The following MLLT3 variants were observed in gnomAD, a reference collection of about 807,000 sequenced individuals.
The protein encoded by MLLT3 is protein AF-9.
MLLT3 carries 4 observed loss-of-function variants against 53.2 expected under a neutral mutation model. The ratio of observed to expected loss-of-function variants is 0.08; its 90% CI spans 0.04 to 0.17. The LOEUF (loss-of-function observed/expected upper bound fraction) is 0.17. Ranked by LOEUF, MLLT3 falls within the 10% of genes least tolerant of loss-of-function variation. The pLI is 1.00. For synonymous variants in MLLT3, 283 were observed against 230.6 expected (o/e 1.23, Z -2.06); for missense variants, 569 against 684.0 (o/e 0.83, Z 1.87).
At chr9:20,584,640 A>G (rs936051104) in intron 2 of MLLT3, among the ~76,000 whole-genome samples, 1 of 152,100 alleles carries the variant, frequency 6.6e-6, no homozygotes, top group Non-Finnish European at 1.5e-5. Flanking sequence ...CCTCTGATAA[A>G]CCCATCAGAT....
chr9:20,522,961 T>TAAAA (rs1818104064), intron 2 of MLLT3, among the ~76,000 whole-genome samples: 1 of 151,046 alleles, frequency 6.6e-6, no homozygotes. Context: ...GACCCTGTCT[T>TAAAA]AAAAAATAAA....
At chr9:20,385,822 C>T (rs1169540234) in intron 5 of MLLT3, among the ~76,000 whole-genome samples, 1 of 152,146 alleles carries the variant, frequency 6.6e-6, no homozygotes, top group South Asian at 2.1e-4. Context: ...CAGATGATTC[C>T]ATTTTAATAA....
intron 5 of MLLT3, among the ~76,000 whole-genome samples, chr9:20,397,325 A>C (rs1037672886): frequency 1.3e-5 from 2 of 152,172 alleles, no homozygotes; most frequent in South Asian, 2.1e-4. Flanking sequence ...CAACTGATAC[A>C]TATCTTTGGG....
At chr9:20,586,125 C>T (rs143638127) in intron 2 of MLLT3, among the ~76,000 whole-genome samples, 8 of 152,118 alleles carry the variant, frequency 5.3e-5, no homozygotes, top group South Asian at 4.2e-4. Context: ...TGCGACCAGC[C>T]GGGCAACATA....
intron 2 of MLLT3, among the ~76,000 whole-genome samples, chr9:20,553,250 T>C (rs1198834862): frequency 6.6e-6 from 1 of 152,112 alleles, no homozygotes; most frequent in African/African-American, 2.4e-5. Context: ...TAGAAAACAG[T>C]TTCACAAAGG....
intron 4 of MLLT3, among the ~76,000 whole-genome samples, chr9:20,437,329 T>A (rs1823430106): frequency 6.6e-6 from 1 of 151,776 alleles, no homozygotes; most frequent in African/African-American, 2.4e-5. Flanking sequence ...AAAAGGTAAA[T>A]CAGAATAAAG....
At chr9:20,540,221 G>C (rs190407695) in intron 2 of MLLT3, among the ~76,000 whole-genome samples, 1 of 152,338 alleles carries the variant, frequency 6.6e-6, no homozygotes, top group East Asian at 1.9e-4. Flanking sequence ...AGCTTTTCCT[G>C]GTGTACAGTG....
intron 4 of MLLT3, among the ~76,000 whole-genome samples, chr9:20,423,824 G>C (rs1244163488): frequency 6.6e-6 from 1 of 151,812 alleles, no homozygotes; most frequent in Non-Finnish European, 1.5e-5. Flanking sequence ...GAGTGTGGTG[G>C]TGGTGCATGC....
At chr9:20,520,124 C>T (rs1219746759) in intron 2 of MLLT3, among the ~76,000 whole-genome samples, 2 of 152,108 alleles carry the variant, frequency 1.3e-5, no homozygotes, top group African/African-American at 4.8e-5. Context: ...CACATGTTCT[C>T]ACTTATAAGT....
chr9:20,456,130 G>C (rs1823962171), intron 3 of MLLT3, among the ~76,000 whole-genome samples: 1 of 151,898 alleles, frequency 6.6e-6, no homozygotes, highest in African/African-American at 2.4e-5. Context: ...GTAGAGACGA[G>C]GTTTCACCAT....
chr9:20,596,467 A>T (rs547446816), intron 2 of MLLT3, among the ~76,000 whole-genome samples: 9 of 152,342 alleles, frequency 5.9e-5, no homozygotes, highest in African/African-American at 2.2e-4. Context: ...AGGCAGGCGG[A>T]TCACCTGAGG....
rs193118600 is a variant in MLLT3 at position 20,524,840 on chromosome 9, T to C, written c.194-68054A>G. The stretch of plus-strand genomic sequence containing the variant: ...CCTCTACCTTGCTTGTTTTCACAAA[T>C]GTATTCCCAAAGGAGACAAGAAGTC... On this transcript the variant is annotated intron_variant, in intron 2 of 10. Transcript: ENST00000380338. 2.9e-3 allele frequency among the ~76,000 whole-genome samples: 436 copies of C among 152,212 alleles called. 3 individuals are homozygous for C. The highest frequency in any genetic ancestry group is 4.5e-3 in the Non-Finnish European group (305 of 68,012).
intron 2 of MLLT3, among the ~76,000 whole-genome samples, chr9:20,596,414 G>A (rs1334489684): frequency 6.6e-6 from 1 of 152,196 alleles, no homozygotes. Context: ...CTCTGGCCAG[G>A]CATGGTGGCA....
intron 2 of MLLT3, among the ~76,000 whole-genome samples, chr9:20,521,501 G>A (rs542303808): frequency 6.6e-6 from 1 of 151,668 alleles, no homozygotes; most frequent in Admixed American, 6.6e-5. Flanking sequence ...AGAGAAAATG[G>A]ATGTGAAATG....
At chr9:20,370,956 A>G (rs555131556) in intron 5 of MLLT3, among the ~76,000 whole-genome samples, 10 of 152,346 alleles carry the variant, frequency 6.6e-5, no homozygotes, top group African/African-American at 1.4e-4. Flanking sequence ...AATGGAATTA[A>G]AAGTGCTACT....
Position 20,344,225 on chromosome 9 carries a change from T to G in MLLT3, c.*2218A>C, listed in dbSNP as rs1240265353. 1.0e-5 allele frequency: 2 copies of G among 196,686 alleles called. No homozygotes were observed. The highest frequency in any genetic ancestry group is 2.1e-5 in the Non-Finnish European group (2 of 94,944). 12.2% of individuals were successfully genotyped at this position (196,686 alleles called of 1,614,324 possible). A position where few individuals can be genotyped will look rare whatever the true frequency, so the allele number is the denominator to read the frequency against. On this transcript the variant is annotated 3_prime_UTR_variant, in exon 11 of 11. Transcript: ENST00000380338. Reference sequence around the variant, plus strand: ...TTGGTTAGTAACTTAAAGGAAAAAATTTTTACATTGGCAAATCATATTTTT... The same window carrying G: ...TTGGTTAGTAACTTAAAGGAAAAAAGTTTTACATTGGCAAATCATATTTTT...
intron 7 of MLLT3, among the ~76,000 whole-genome samples, chr9:20,362,553 C>T (rs1260231953): frequency 2.0e-5 from 3 of 152,018 alleles, no homozygotes; most frequent in African/African-American, 7.3e-5. Flanking sequence ...ACAGGTTGGT[C>T]TGAGAGACAA....
At chr9:20,540,449 C>T (rs1818600930) in intron 2 of MLLT3, among the ~76,000 whole-genome samples, 1 of 152,242 alleles carries the variant, frequency 6.6e-6, no homozygotes, top group Non-Finnish European at 1.5e-5. Context: ...AACCTCAATT[C>T]TTGCCTTCTG....
intron 2 of MLLT3, among the ~76,000 whole-genome samples, chr9:20,594,386 A>G (rs1820200631): frequency 6.6e-6 from 1 of 152,132 alleles, no homozygotes; most frequent in Non-Finnish European, 1.5e-5. Context: ...ATAGGCAGGA[A>G]TATTATCACC....
Sources: allele counts gnomAD v4.1 joint callset (sites outside exome capture counted in the v4.1 genomes callset), GRCh38; gene constraint gnomAD v4.1.1; transcripts MANE v1.5; gene names NCBI Gene and HGNC (gene_info 2026-07-23, HGNC 2026-07-21).